Variants in PTDSS2 observed in about 807,000 individuals in gnomAD.
The protein encoded by PTDSS2 is phosphatidylserine synthase 2.
Under a neutral mutation model 64.7 loss-of-function variants are expected in PTDSS2, and 41 were observed. The ratio of observed to expected loss-of-function variants is 0.63; its 90% confidence interval spans 0.49 to 0.82. The LOEUF is 0.82. Among genes scored for constraint, PTDSS2 ranks in the 40% least tolerant of loss-of-function variants. The pLI, the probability that PTDSS2 is intolerant of heterozygous loss-of-function variation, is 0.00. For synonymous variants in PTDSS2, 297 were observed against 277.8 expected (o/e 1.07, Z -0.69); for missense variants, 485 against 650.0 (o/e 0.75, Z 2.76).
chr11:473,820 G>T, intron 2 of PTDSS2, 75 bp from the exon 3 acceptor site: 1 of 1,118,706 alleles, frequency 8.9e-7, no homozygotes, highest in Non-Finnish European at 1.4e-6. Context: ...GGTGTCTGGG[G>T]GTCCCTGCAG....
rs546313479 is a variant in PTDSS2 at position 460,172 on chromosome 11, G to A, written c.183-15G>A. On this transcript the variant is annotated splice_polypyrimidine_tract_variant and intron_variant, in intron 1 of 11. Transcript: ENST00000308020. The surrounding 1 kb of genome is among the most constrained non-coding windows in gnomAD (Gnocchi z 5.8). ...CCAAGCTCTGACACCATGCTTATGC[G>A]TTTTTGGATTTCAGGCGAGCCCACA... 29 of 1,610,082 alleles carry A rather than the reference G, an allele frequency of 1.8e-5. No individual in the cohort carries two copies. The African/African-American group carries it at 2.7e-4, about 15-fold the overall frequency.
chr11:474,150 G>A (rs1302020978), intron 3 of PTDSS2, among the ~76,000 whole-genome samples, 173 bp downstream of exon 3: 2 of 152,162 alleles, frequency 1.3e-5, no homozygotes, highest in Admixed American at 6.5e-5. Flanking sequence ...TGAGCTGGCC[G>A]TGTGCTCCTC....
intron 2 of PTDSS2, among the ~76,000 whole-genome samples, chr11:469,836 C>A (rs1226697899): frequency 6.6e-6 from 1 of 152,056 alleles, no homozygotes; most frequent in South Asian, 2.1e-4. Context: ...CTGATCCTGG[C>A]AGTTCCAGAA....
rs1375097809 is a variant in PTDSS2, at chr11:462,564, A to G, written c.284+2276A>G. On this transcript the variant is annotated intron_variant, in intron 2 of 11. Transcript: ENST00000308020. This position sits in a 1 kb window ranked among gnomAD's most constrained non-coding sequence, Gnocchi z 4.5. ...GAACCTGCTCTGGGCTCCTTCCTGG[A>G]AGGCTCGGCTGCCCCAGGTCACCCT... 1.3e-5 allele frequency among the ~76,000 whole-genome samples: 2 copies of G among 152,144 alleles called. No homozygotes were observed. Among genetic ancestry groups the G allele is most frequent in the African/African-American group, 2.4e-5 (1 of 41,438 alleles).
intron 4 of PTDSS2, among the ~76,000 whole-genome samples, chr11:484,940 C>T (rs190792318): frequency 2.1e-3 from 273 of 129,754 alleles, no homozygotes; most frequent in African/African-American, 7.2e-3. Context: ...ACTGCACGGG[C>T]GCGTGTGTGC....
At chr11:450,757 C>G (rs944728543) in intron 1 of PTDSS2, 120 bp downstream of exon 1, 42 of 941,392 alleles carry the variant, frequency 4.5e-5, no homozygotes, top group Middle Eastern at 7.7e-4. Flanking sequence ...GGACTGTGGC[C>G]GGGGGTTTGA....
chr11:456,779 GTC>G (rs1846616483), intron 1 of PTDSS2, among the ~76,000 whole-genome samples: 1 of 152,316 alleles, frequency 6.6e-6, no homozygotes, highest in Non-Finnish European at 1.5e-5. Flanking sequence ...TTGTGGGCAG[GTC>G]TCTCAGTACT....
intron 2 of PTDSS2, among the ~76,000 whole-genome samples, chr11:464,545 C>G (rs1365713678): frequency 6.6e-6 from 1 of 152,226 alleles, no homozygotes; most frequent in Admixed American, 6.5e-5. Context: ...AGAGCAGGGT[C>G]TGTGCTGCCG....
chr11:485,349 TGC>T (rs1848298226), intron 4 of PTDSS2, among the ~76,000 whole-genome samples: 1 of 132,624 alleles, frequency 7.5e-6, no homozygotes. Flanking sequence ...GTGTGCTCAC[TGC>T]GCAGGCGTCT....
rs1202480491 is a variant in PTDSS2 at position 479,967 on chromosome 11, A to G, written c.435+815A>G. On this transcript the variant is annotated intron_variant, in intron 4 of 11. Coordinates refer to ENST00000308020, the MANE Select transcript of PTDSS2 (RefSeq NM_030783.3). This position sits in a 1 kb window ranked among gnomAD's most constrained non-coding sequence, Gnocchi z 4.2. ...AAAATTGACTTTTCTGAGGCAGTGT[A>G]CATTCTGTGAATTTTAGCATTTGTG... 6.6e-6 allele frequency among the ~76,000 whole-genome samples: 1 copy of G among 152,218 alleles called. No individual in the cohort carries two copies. Among genetic ancestry groups the G allele is most frequent in the African/African-American group, 2.4e-5 (1 of 41,448 alleles).
intron 2 of PTDSS2, among the ~76,000 whole-genome samples, chr11:471,240 C>T (rs185695363): frequency 1.3e-5 from 2 of 151,730 alleles, no homozygotes; most frequent in Non-Finnish European, 1.5e-5. Flanking sequence ...GGATTACAGG[C>T]GTCTGCCACC....
intron 2 of PTDSS2, among the ~76,000 whole-genome samples, chr11:465,770 A>G (rs1319644769): frequency 7.1e-6 from 1 of 140,174 alleles, no homozygotes; most frequent in Non-Finnish European, 1.5e-5. Context: ...CCCCATCTCT[A>G]CTAAAAATTA....
intron 1 of PTDSS2, among the ~76,000 whole-genome samples, chr11:457,948 C>T (rs966933901): frequency 5.3e-5 from 8 of 152,222 alleles, no homozygotes; most frequent in Non-Finnish European, 8.8e-5. Context: ...GCCGTTCCAG[C>T]AGATGTGCAC....
In PTDSS2 at chr11:472,149, G is replaced by A. The variant is rs113278789; in HGVS notation, c.285-1746G>A. 6.1e-3 allele frequency among the ~76,000 whole-genome samples: 924 copies of A among 152,268 alleles called. 13 individuals are homozygous for A. The highest frequency in any genetic ancestry group is 0.021 in the African/African-American group (883 of 41,538). On this transcript the variant is annotated intron_variant, in intron 2 of 11. Coordinates refer to ENST00000308020, the MANE Select transcript of PTDSS2 (RefSeq NM_030783.3). Reference sequence around the variant, plus strand: ...GGGGTGACGTGCGCCTGCACCGGGAGCAGCTTCCCTTGGCCAGTGCCCATG... The same window carrying A: ...GGGGTGACGTGCGCCTGCACCGGGAACAGCTTCCCTTGGCCAGTGCCCATG...
Position 460,551 on chromosome 11 carries a change from T to C in PTDSS2, c.284+263T>C, listed in dbSNP as rs1337962575. The C allele has an allele frequency of 1.1e-5, 5 of 447,106 alleles. No homozygotes were observed. The highest frequency in any genetic ancestry group is 9.9e-5 in the African/African-American group (5 of 50,590). The allele number at this position is 447,106 out of a possible 1,614,324, so 27.7% of individuals were successfully genotyped here. A position where few individuals can be genotyped will look rare whatever the true frequency, so the allele number is the denominator to read the frequency against. ...TCTCCACGTGACCGGCAGCCTGTGC[T>C]GCGTTTCCTCTGAGTTTTGCATGTT... is the stretch of plus-strand genomic sequence containing the variant. On this transcript the variant is annotated intron_variant, in intron 2 of 11. Transcript: ENST00000308020. The surrounding 1 kb of genome is among the most constrained non-coding windows in gnomAD (Gnocchi z 5.8).
chr11:490,667 C>A lies in PTDSS2; in HGVS notation c.*85C>A. 7.3e-7 allele frequency: 1 copy of A among 1,368,490 alleles called. No homozygotes were observed. Among genetic ancestry groups the A allele is most frequent in the Non-Finnish European group, 9.8e-7 (1 of 1,021,560 alleles). 84.8% of individuals were successfully genotyped at this position (1,368,490 alleles called of 1,614,324 possible). A position where few individuals can be genotyped will look rare whatever the true frequency, so the allele number is the denominator to read the frequency against. On this transcript the variant is annotated 3_prime_UTR_variant, in exon 12 of 12. Transcript: ENST00000308020. ...TGTGAGTCCCACCAGGAGCCACGTG[C>A]CCGGCCTTGCCCTCAAGGTTTTTTG... is the stretch of plus-strand genomic sequence containing the variant.
chr11:483,533 G>T (rs1223113981), intron 4 of PTDSS2, among the ~76,000 whole-genome samples: 1 of 152,210 alleles, frequency 6.6e-6, no homozygotes, highest in African/African-American at 2.4e-5. Context: ...AAAGTTGTTA[G>T]ATTTTTGTTA....
chr11:486,074 G>C (rs1238156957), intron 4 of PTDSS2, among the ~76,000 whole-genome samples: 1 of 152,226 alleles, frequency 6.6e-6, no homozygotes, highest in African/African-American at 2.4e-5. Flanking sequence ...TTCACCGTGT[G>C]CGCAGGCGAG....
At chr11:452,940 A>G (rs1846409787) in intron 1 of PTDSS2, among the ~76,000 whole-genome samples, 1 of 151,788 alleles carries the variant, frequency 6.6e-6, no homozygotes, top group Admixed American at 6.6e-5. Context: ...TGTGTTGCCC[A>G]GGCTGGTCTT....
Sources: gnomAD v4.1 joint callset for allele counts (sites outside exome capture counted in the v4.1 genomes callset) on GRCh38, gnomAD v4.1.1 for gene constraint, Gnocchi (gnomAD v3.1) non-coding constraint, MANE v1.5 for transcripts, NCBI Gene and HGNC (gene_info 2026-07-23, HGNC 2026-07-21) for gene names.